Variants in COL4A1 observed in about 807,000 individuals in gnomAD.
The protein encoded by COL4A1 is collagen alpha-1(IV) chain.
In COL4A1, 40 loss-of-function variants were observed where a neutral mutation model predicts 216.6. That is an observed-to-expected ratio of 0.18 (90% CI 0.14 to 0.24). The LOEUF is 0.24. Ranked by LOEUF, COL4A1 falls within the 10% of genes least tolerant of loss-of-function variation. The probability of loss-of-function intolerance (pLI) is 1.00; values close to 1 mark genes in which losing one functional copy is unlikely to be tolerated. For synonymous variants in COL4A1, 839 were observed against 810.7 expected, an observed-to-expected ratio of 1.03 and a Z score of -0.59; for missense variants, 1,628 against 2,196.8, an observed-to-expected ratio of 0.74 and a Z score of 5.18.
chr13:110,210,260 T>C lies in COL4A1; in HGVS notation c.469-48A>G, dbSNP rs367901056. The C allele has an allele frequency of 2.5e-6, 4 of 1,573,734 alleles. No individual in the cohort carries two copies. In the African/African-American group the frequency reaches 4.0e-5, roughly 16 times the overall value. ...AGAAAGTTGCAAATATCGACATTCA[T>C]GTAAAGAAGCTGAAAACTCTTTGAT... On this transcript the variant is annotated intron_variant, in intron 8 of 51. Transcript: ENST00000375820.
rs768051109 is a variant in COL4A1, at chr13:110,176,952, C to T, written c.2802G>A (p.Lys934=). 6.2e-7 allele frequency: 1 copy of T among 1,614,204 alleles called. No individual in the cohort carries two copies. The highest frequency in any genetic ancestry group is 8.5e-7 in the Non-Finnish European group (1 of 1,180,048). The change falls in exon 34 of 52, where the codon AAG becomes AAA. Residue 934 remains lysine, a synonymous_variant. Transcript: ENST00000375820. ...TGTCCACCTTATCCATGGAGCCAGG[C>T]TTGCCAGGGAGACCGACATCCCCCT... The part of the protein sequence containing the change: ...GDKGDVGLPG[K]PGSMDKVDMG...
At chr13:110,264,612 C>T (rs1435878480) in intron 1 of COL4A1, among the ~76,000 whole-genome samples, 1 of 152,236 alleles carries the variant, frequency 6.6e-6, no homozygotes, top group African/African-American at 2.4e-5. Context: ...TAGTTCCATA[C>T]TTTAATTAAA....
intron 2 of COL4A1, among the ~76,000 whole-genome samples, chr13:110,225,157 C>A (rs144235134): frequency 6.6e-6 from 1 of 152,162 alleles, no homozygotes; most frequent in Admixed American, 6.5e-5. Context: ...GGTTCCCTTG[C>A]CAGGGTGTGC....
chr13:110,271,410 C>G (rs1883240293), intron 1 of COL4A1, among the ~76,000 whole-genome samples: 1 of 152,222 alleles, frequency 6.6e-6, no homozygotes, highest in Admixed American at 6.5e-5. Flanking sequence ...AGCCAACCCT[C>G]AGAGTCCCAT....
At chr13:110,293,591 C>G (rs1884166218) in intron 1 of COL4A1, among the ~76,000 whole-genome samples, 1 of 152,238 alleles carries the variant, frequency 6.6e-6, no homozygotes, top group Admixed American at 6.5e-5. Flanking sequence ...GCAACCCAAA[C>G]TCAGGCCTGC....
At chr13:110,245,848 G>A (rs1881783767) in intron 1 of COL4A1, among the ~76,000 whole-genome samples, 1 of 152,140 alleles carries the variant, frequency 6.6e-6, no homozygotes, top group African/African-American at 2.4e-5. Context: ...TTACCCTGGG[G>A]ACCACTTCAG....
intron 2 of COL4A1, among the ~76,000 whole-genome samples, chr13:110,225,738 G>A (rs1032340815): frequency 2.0e-5 from 3 of 152,178 alleles, no homozygotes; most frequent in African/African-American, 2.4e-5. Context: ...GGGTGAGCAC[G>A]CGGAGCTCCG....
chr13:110,183,327 G>A (rs367978688), intron 26 of COL4A1, 51 bp from the exon 27 acceptor site: 18 of 1,548,942 alleles, frequency 1.2e-5, no homozygotes, highest in South Asian at 3.4e-5. Flanking sequence ...AGGACCACAC[G>A]GAACACAGGG....
intron 2 of COL4A1, among the ~76,000 whole-genome samples, chr13:110,214,517 C>CA (rs1322861475): frequency 6.6e-6 from 1 of 152,110 alleles, no homozygotes; most frequent in East Asian, 1.9e-4. Context: ...AATACATGGA[C>CA]AGTAAGGAAG....
At chr13:110,158,337 T>C (rs1167853436) in intron 49 of COL4A1, among the ~76,000 whole-genome samples, 1 of 152,258 alleles carries the variant, frequency 6.6e-6, no homozygotes, top group Non-Finnish European at 1.5e-5. Flanking sequence ...CTCTGGTCCA[T>C]GGTCCCACGT....
chr13:110,293,776 C>A (rs1341784790), intron 1 of COL4A1, among the ~76,000 whole-genome samples: 1 of 152,220 alleles, frequency 6.6e-6, no homozygotes, highest in African/African-American at 2.4e-5. Context: ...TCACATTATA[C>A]CCTTTCCCTT....
intron 21 of COL4A1, among the ~76,000 whole-genome samples, chr13:110,195,914 G>T (rs1878866045): frequency 6.6e-6 from 1 of 152,154 alleles, no homozygotes; most frequent in African/African-American, 2.4e-5. Flanking sequence ...ACAAAGTCAT[G>T]GGCAGTCTCT....
Position 110,209,977 on chromosome 13 carries a change from T to C in COL4A1, c.615+3A>G. On this transcript the variant is annotated splice_donor_region_variant and intron_variant, in intron 10 of 51. Coordinates refer to ENST00000375820, the MANE Select transcript of COL4A1 (RefSeq NM_001845.6). ...CCTCGGAGAGACAGCCCCCAAAACT[T>C]ACTGGTGGTCCGGTAAATCCTGGAG... 1 of 1,614,190 alleles carries C rather than the reference T, an allele frequency of 6.2e-7. No individual in the cohort carries two copies. Among genetic ancestry groups the C allele is most frequent in the Non-Finnish European group, 8.5e-7 (1 of 1,180,026 alleles).
chr13:110,211,919 C>G lies in COL4A1; in HGVS notation c.391G>C (p.Glu131Gln). 6.2e-7 allele frequency: 1 copy of G among 1,614,136 alleles called. No homozygotes were observed. The highest frequency in any genetic ancestry group is 1.1e-5 in the South Asian group (1 of 91,072). The change falls in exon 7 of 52, where the codon GAG becomes CAG. Residue 131 changes from glutamate to glutamine, a missense_variant. Physicochemically the swap from Glu to Gln is conservative, Grantham distance 29 (BLOSUM62 2). Coordinates refer to ENST00000375820, the MANE Select transcript of COL4A1 (RefSeq NM_001845.6). The surrounding 1 kb of genome is among the most constrained non-coding windows in gnomAD (Gnocchi z 4.3). ...CCAGGAGGCCCGAGCGGCCCTCTCT[C>G]CCCCTGGGGAGACAGCAGAGCATCA... ...GIPGCNGTKG[E>Q]RGPLGPPGLP...
chr13:110,155,255 G>C, intron 50 of COL4A1, 28 bp downstream of exon 50: 1 of 1,560,294 alleles, frequency 6.4e-7, no homozygotes, highest in Non-Finnish European at 8.8e-7. Context: ...CTCTTCCCGG[G>C]AAATATGGCG....
chr13:110,175,421 A>G, intron 36 of COL4A1, 64 bp from the exon 37 acceptor site: 1 of 1,604,306 alleles, frequency 6.2e-7, no homozygotes, highest in African/African-American at 1.3e-5. Flanking sequence ...CAAATGAAAA[A>G]GTGCCTCCAC....
At chr13:110,158,900 A>G (rs1370824095) in intron 49 of COL4A1, among the ~76,000 whole-genome samples, 17 of 151,960 alleles carry the variant, frequency 1.1e-4, no homozygotes, top group Admixed American at 9.2e-4. Context: ...GTAACACCAC[A>G]CCCAGCTAAT....
chr13:110,296,230 C>T (rs893636095), intron 1 of COL4A1, among the ~76,000 whole-genome samples: 4 of 152,226 alleles, frequency 2.6e-5, no homozygotes, highest in African/African-American at 7.2e-5. Context: ...TTTCAATTTG[C>T]TTTTGTTCAT....
chr13:110,291,208 T>C (rs1376820438), intron 1 of COL4A1, among the ~76,000 whole-genome samples: 1 of 152,242 alleles, frequency 6.6e-6, no homozygotes, highest in African/African-American at 2.4e-5. Context: ...TGGCATCACA[T>C]TAGCCACCCA....
Sources: allele counts gnomAD v4.1 joint callset (sites outside exome capture counted in the v4.1 genomes callset), GRCh38; gene constraint gnomAD v4.1.1; non-coding constraint Gnocchi (gnomAD v3.1); transcripts MANE v1.5; gene names NCBI Gene and HGNC (gene_info 2026-07-23, HGNC 2026-07-21).